Variants in NAF1 observed in about 807,000 individuals in gnomAD.
The protein encoded by NAF1 is H/ACA ribonucleoprotein complex non-core subunit NAF1.
A neutral mutation model predicts 40.6 loss-of-function variants in NAF1; 11 were observed. The ratio of observed to expected loss-of-function variants is 0.27; its 90% CI spans 0.17 to 0.45. NAF1 has a LOEUF of 0.45. Among genes scored for constraint, NAF1 ranks in the 20% least tolerant of loss-of-function variants. The pLI is 1.00. For synonymous variants in NAF1, 260 were observed against 228.5 expected, an observed-to-expected ratio of 1.14 and a Z score of -1.24; for missense variants, 607 against 611.1, an observed-to-expected ratio of 0.99 and a Z score of 0.07.
Position 163,166,890 on chromosome 4 carries a change from C to G in NAF1, c.-163G>C. 1 of 951,756 alleles carries G rather than the reference C, an allele frequency of 1.1e-6. No homozygotes were observed. The highest frequency in any genetic ancestry group is 1.5e-6 in the Non-Finnish European group (1 of 662,088). The allele number at this position is 951,756 out of a possible 1,614,324, so 59.0% of individuals were successfully genotyped here. A position where few individuals can be genotyped will look rare whatever the true frequency, so the allele number is the denominator to read the frequency against. On this transcript the variant is annotated 5_prime_UTR_variant, in exon 1 of 8. Transcript: ENST00000274054. ...CTACACGCGGAGGAGCCAAAAGACA[C>G]GCCCCCGCCATTTACGCAGCAACGC...
chr4:163,165,720 C>T (rs1023439133), intron 1 of NAF1, among the ~76,000 whole-genome samples: 2 of 152,106 alleles, frequency 1.3e-5, no homozygotes, highest in Admixed American at 1.3e-4. Flanking sequence ...TAGTAACATC[C>T]CACATGCTGG....
chr4:163,161,537 G>C (rs532298675), intron 2 of NAF1, among the ~76,000 whole-genome samples: 2 of 152,012 alleles, frequency 1.3e-5, no homozygotes, highest in East Asian at 1.9e-4. Context: ...AACCAATAAT[G>C]AAAGAATAAA....
rs1362292619 is a variant in NAF1 at position 163,166,779 on chromosome 4, C to G, written c.-52G>C. ...CTCAGGATTGGGGCCCCTGGACAAG[C>G]TCACGGCTCTCTCCAGAAATAGAAA... On this transcript the variant is annotated 5_prime_UTR_variant, in exon 1 of 8. Coordinates refer to ENST00000274054, the MANE Select transcript of NAF1 (RefSeq NM_138386.3). 6.2e-7 allele frequency: 1 copy of G among 1,603,100 alleles called. No homozygotes were observed. The highest frequency in any genetic ancestry group is 1.1e-5 in the South Asian group (1 of 89,622).
chr4:163,113,203 A>G (rs763571728), intron 2 of NAF1, among the ~76,000 whole-genome samples: 4 of 152,136 alleles, frequency 2.6e-5, no homozygotes, highest in Admixed American at 6.5e-5. Flanking sequence ...GTTCCAGAAT[A>G]TAAGTGTACA....
intron 4 of NAF1, chr4:163,144,064 A>G (rs1731366210): frequency 1.1e-6 from 1 of 948,176 alleles, no homozygotes; most frequent in African/African-American, 1.8e-5. Context: ...ACATCCTACC[A>G]AACAAGACAG....
intron 2 of NAF1, among the ~76,000 whole-genome samples, chr4:163,112,159 C>T (rs1409884450): frequency 6.6e-6 from 1 of 151,650 alleles, no homozygotes. Flanking sequence ...GAGATAATAG[C>T]GATTTTACAA....
At chr4:163,131,415 A>C (rs1364320368) in intron 7 of NAF1, among the ~76,000 whole-genome samples, 3 of 152,176 alleles carry the variant, frequency 2.0e-5, no homozygotes, top group Admixed American at 1.3e-4. Context: ...AACAAAAACA[A>C]AAACAAAAAA....
chr4:163,127,029 G>C, downstream of NAF1: 1 of 1,551,574 alleles, frequency 6.4e-7, no homozygotes. Context: ...ACTTTTATAT[G>C]CATTTGGAAA....
Position 163,148,376 on chromosome 4 carries a change from G to A in NAF1, c.599C>T (p.Pro200Leu). The part of the protein sequence containing the change: ...IILPEDIELK[P>L]LGMVSSIIEQ... ...AATAATACTTGAAACCATCCCAAGAGGCTTTAACTCAATATCTTCAGGCAG... is the reference window on the plus strand; with the variant it reads ...AATAATACTTGAAACCATCCCAAGAAGCTTTAACTCAATATCTTCAGGCAG... Residue 200 changes from proline to leucine, a missense_variant, in exon 3 of 8, where the codon CCT (proline) becomes CTT (leucine). Around this residue, in one of 3 missense-constraint regions of NAF1, gnomAD observed 407 missense variants for 365.5 expected, o/e 1.11. Transcript: ENST00000274054. 1.3e-6 allele frequency: 2 copies of A among 1,579,850 alleles called. No individual in the cohort carries two copies. The highest frequency in any genetic ancestry group is 1.7e-6 in the Non-Finnish European group (2 of 1,168,438).
chr4:163,158,761 G>A (rs1732096013), intron 2 of NAF1, among the ~76,000 whole-genome samples: 1 of 152,010 alleles, frequency 6.6e-6, no homozygotes, highest in Admixed American at 6.5e-5. Flanking sequence ...TGTTAATTGA[G>A]TGCATATTTC....
chr4:163,118,002 C>T (rs1006325493), intron 2 of NAF1, among the ~76,000 whole-genome samples: 3 of 151,950 alleles, frequency 2.0e-5, no homozygotes, highest in Admixed American at 2.0e-4. Flanking sequence ...AAAACCAGTT[C>T]CAAGAAAAAG....
intron 2 of NAF1, among the ~76,000 whole-genome samples, chr4:163,152,438 G>A (rs1049806922): frequency 1.3e-5 from 2 of 152,186 alleles, no homozygotes; most frequent in Non-Finnish European, 2.9e-5. Context: ...ATTATTTGTA[G>A]TGAGTCAGGG....
chr4:163,130,912 T>C (rs1427475101), intron 7 of NAF1, among the ~76,000 whole-genome samples: 1 of 152,240 alleles, frequency 6.6e-6, no homozygotes, highest in Non-Finnish European at 1.5e-5. Flanking sequence ...GGAGTCTCGC[T>C]CTGTAGCCCT....
intron 6 of NAF1, 64 bp downstream of exon 6, chr4:163,137,135 A>G (rs1043371700): frequency 6.3e-7 from 1 of 1,579,012 alleles, no homozygotes; most frequent in African/African-American, 1.4e-5. Flanking sequence ...CAAGAATGAT[A>G]AAATTTATAA....
chr4:163,142,638 T>C (rs895530312), intron 4 of NAF1, among the ~76,000 whole-genome samples: 1 of 152,184 alleles, frequency 6.6e-6, no homozygotes, highest in African/African-American at 2.4e-5. Context: ...TCACAGGCAG[T>C]AGATAACAGG....
intron 2 of NAF1, among the ~76,000 whole-genome samples, chr4:163,154,578 A>AC (rs1731890575): frequency 6.6e-6 from 1 of 152,194 alleles, no homozygotes; most frequent in South Asian, 2.1e-4. Context: ...GAGCATGCTA[A>AC]GAGAGGAGGA....
intron 5 of NAF1, among the ~76,000 whole-genome samples, chr4:163,139,793 C>T (rs1447487001): frequency 6.6e-6 from 1 of 151,908 alleles, no homozygotes; most frequent in East Asian, 1.9e-4. Flanking sequence ...AGAGATAACA[C>T]TCATTTTTTT....
downstream of NAF1, among the ~76,000 whole-genome samples, chr4:163,126,325 G>T (rs1329556457): frequency 1.3e-5 from 2 of 152,132 alleles, no homozygotes; most frequent in African/African-American, 4.8e-5. Context: ...TGATTTATGA[G>T]GGGGGTCAAA....
At chr4:163,119,721 G>A (rs979623199) in intron 2 of NAF1, 1 of 152,138 alleles carries the variant, frequency 6.6e-6, no homozygotes, top group African/African-American at 2.4e-5. Flanking sequence ...AATACGGAAA[G>A]TAATATACTC....
Sources: gnomAD v4.1 joint callset for allele counts (sites outside exome capture counted in the v4.1 genomes callset) on GRCh38, gnomAD v4.1.1 for gene constraint, gnomAD v4.1.1 regional missense constraint, MANE v1.5 for transcripts, NCBI Gene and HGNC (gene_info 2026-07-23, HGNC 2026-07-21) for gene names.